Variants in CDH18 observed in about 807,000 individuals in gnomAD.
CDH18 encodes the protein cadherin 18, also known as cadherin-18.
Under a neutral mutation model 67.9 loss-of-function variants are expected in CDH18, and 31 were observed. The ratio of observed to expected loss-of-function variants is 0.46; its 90% CI spans 0.34 to 0.62. CDH18 has a LOEUF of 0.62. CDH18 is among the 20% of genes least tolerant of loss of function. The pLI is 0.01. For missense variants in CDH18, 890 were observed against 975.5 expected (o/e 0.91, Z 1.17); for synonymous variants, 362 against 347.2 (o/e 1.04, Z -0.48).
intron 5 of CDH18, among the ~76,000 whole-genome samples, chr5:19,668,390 C>A (rs573848011): frequency 6.6e-6 from 1 of 151,640 alleles, no homozygotes; most frequent in Non-Finnish European, 1.5e-5. Context: ...CATTAAAAAA[C>A]AAATAAGATG....
chr5:19,552,836 CAA>C (rs1737707779), intron 8 of CDH18, among the ~76,000 whole-genome samples: 1 of 152,148 alleles, frequency 6.6e-6, no homozygotes, highest in African/African-American at 2.4e-5. Flanking sequence ...GAGATCTTGC[CAA>C]GTTCCCAATA....
At chr5:20,275,033 G>C (rs766138926) in intron 1 of CDH18, among the ~76,000 whole-genome samples, 9 of 151,954 alleles carry the variant, frequency 5.9e-5, no homozygotes, top group Non-Finnish European at 1.0e-4. Flanking sequence ...AACTAGATTT[G>C]CCAATAAGTA....
chr5:19,606,027 C>T (rs1313620994), intron 6 of CDH18, among the ~76,000 whole-genome samples: 1 of 152,122 alleles, frequency 6.6e-6, no homozygotes, highest in East Asian at 1.9e-4. Context: ...GCAGAGATTT[C>T]AGCAGCCATG....
intron 2 of CDH18, among the ~76,000 whole-genome samples, chr5:20,034,351 TA>T (rs1436572808): frequency 6.6e-6 from 1 of 152,064 alleles, no homozygotes; most frequent in East Asian, 1.9e-4. Context: ...GGCTTGTTTT[TA>T]TGCAAATTCC....
intron 2 of CDH18, among the ~76,000 whole-genome samples, chr5:20,204,435 C>T (rs2126324042): frequency 6.6e-6 from 1 of 151,936 alleles, no homozygotes; most frequent in African/African-American, 2.4e-5. Flanking sequence ...GAAATTTTTT[C>T]CCAAACAATA....
intron 2 of CDH18, among the ~76,000 whole-genome samples, chr5:20,213,309 G>A (rs760072303): frequency 2.5e-4 from 38 of 152,094 alleles, no homozygotes; most frequent in Non-Finnish European, 4.0e-4. Flanking sequence ...ACAGATTGTG[G>A]TCTCTCAAAA....
chr5:20,162,104 C>T (rs1238738702), intron 2 of CDH18, among the ~76,000 whole-genome samples: 1 of 152,034 alleles, frequency 6.6e-6, no homozygotes, highest in African/African-American at 2.4e-5. Flanking sequence ...TAAGATTTCA[C>T]ACTCTGAGAC....
chr5:20,338,602 C>T (rs534873695), intron 1 of CDH18, among the ~76,000 whole-genome samples: 37 of 152,304 alleles, frequency 2.4e-4, no homozygotes, highest in African/African-American at 8.9e-4. Context: ...AGGGAGGGAA[C>T]CAGTATGAAG....
chr5:20,292,185 A>G (rs1295322230), intron 1 of CDH18, among the ~76,000 whole-genome samples: 3 of 152,186 alleles, frequency 2.0e-5, no homozygotes, highest in African/African-American at 7.2e-5. Context: ...AGGTGTTTTT[A>G]TCTTATTTTT....
intron 1 of CDH18, among the ~76,000 whole-genome samples, chr5:20,420,057 C>T (rs1385840628): frequency 6.6e-6 from 1 of 150,976 alleles, no homozygotes; most frequent in Non-Finnish European, 1.5e-5. Flanking sequence ...TAGAGTAATG[C>T]TGAACATTCA....
intron 1 of CDH18, among the ~76,000 whole-genome samples, chr5:20,363,817 G>A (rs1485630077): frequency 6.6e-6 from 1 of 151,522 alleles, no homozygotes; most frequent in African/African-American, 2.4e-5. Context: ...TAACAGGATA[G>A]CAAAAAAGAC....
At chr5:20,009,139 A>G (rs565442872) in intron 2 of CDH18, among the ~76,000 whole-genome samples, 2 of 152,240 alleles carry the variant, frequency 1.3e-5, no homozygotes, top group African/African-American at 2.4e-5. Context: ...GACGAAGGAC[A>G]AACTCTGGAA....
intron 5 of CDH18, among the ~76,000 whole-genome samples, chr5:19,712,978 G>C (rs1764899516): frequency 6.6e-6 from 1 of 151,718 alleles, no homozygotes; most frequent in Non-Finnish European, 1.5e-5. Context: ...GTTTAATCAG[G>C]TTTAAAGACT....
chr5:20,016,286 GAAC>G (rs1737867833), intron 2 of CDH18, among the ~76,000 whole-genome samples: 1 of 151,970 alleles, frequency 6.6e-6, no homozygotes, highest in South Asian at 2.1e-4. Flanking sequence ...ACAAAAAGGG[GAAC>G]AACAGACACT....
intron 10 of CDH18, among the ~76,000 whole-genome samples, chr5:19,520,401 A>T (rs1746708834): frequency 6.6e-6 from 1 of 152,134 alleles, no homozygotes. Flanking sequence ...AGCATTCAAT[A>T]TCATTTTATT....
At chr5:20,209,651 G>T (rs961835233) in intron 2 of CDH18, among the ~76,000 whole-genome samples, 2 of 151,914 alleles carry the variant, frequency 1.3e-5, no homozygotes, top group African/African-American at 4.8e-5. Flanking sequence ...TATATAATTA[G>T]ATAAAAGAAA....
intron 3 of CDH18, among the ~76,000 whole-genome samples, chr5:19,782,222 C>G (rs1775197866): frequency 6.6e-6 from 1 of 152,106 alleles, no homozygotes; most frequent in African/African-American, 2.4e-5. Flanking sequence ...CACCTCTTCA[C>G]AGGGTGGCAG....
At chr5:19,619,390 T>C (rs773243588) in intron 5 of CDH18, among the ~76,000 whole-genome samples, 2 of 151,998 alleles carry the variant, frequency 1.3e-5, no homozygotes, top group African/African-American at 4.8e-5. Flanking sequence ...TCAGAGACCA[T>C]AGTGATCACA....
intron 8 of CDH18, among the ~76,000 whole-genome samples, chr5:19,570,009 A>G (rs549821544): frequency 6.6e-6 from 1 of 152,260 alleles, no homozygotes; most frequent in Non-Finnish European, 1.5e-5. Context: ...TTTATTTAAT[A>G]TTTTCACAGC....
Sources: gnomAD v4.1 joint callset for allele counts (sites outside exome capture counted in the v4.1 genomes callset) on GRCh38, gnomAD v4.1.1 for gene constraint, MANE v1.5 for transcripts, NCBI Gene and HGNC (gene_info 2026-07-23, HGNC 2026-07-21) for gene names.